The following COL21A1 variants were observed in gnomAD, a reference collection of about 807,000 sequenced individuals.
The protein encoded by COL21A1 is collagen type XXI alpha 1 chain.
COL21A1 carries 149 observed loss-of-function variants against 137.9 expected under a neutral mutation model. The ratio of observed to expected loss-of-function variants is 1.08; its 90% CI spans 0.95 to 1.24. COL21A1 has a LOEUF of 1.24. Among genes scored for constraint, COL21A1 ranks in the 50% most tolerant of loss-of-function variants. The pLI, the probability that COL21A1 is intolerant of heterozygous loss-of-function variation, is 0.00. For synonymous variants in COL21A1, 456 were observed against 391.5 expected, an observed-to-expected ratio of 1.16 and a Z score of -1.95; for missense variants, 1,167 against 1,158.4, an observed-to-expected ratio of 1.01 and a Z score of -0.11.
At chr6:56,081,247 CTT>C (rs922943405) in intron 17 of COL21A1, among the ~76,000 whole-genome samples, 2 of 146,284 alleles carry the variant, frequency 1.4e-5, no homozygotes, top group Non-Finnish European at 1.5e-5. Context: ...TTTCTTTTTT[CTT>C]TTTTTTTTTC....
chr6:56,183,557 G>C (rs1778055856), intron 1 of COL21A1, among the ~76,000 whole-genome samples: 1 of 152,170 alleles, frequency 6.6e-6, no homozygotes, highest in Non-Finnish European at 1.5e-5. Flanking sequence ...GAGTAGATAA[G>C]TAGTCCATAG....
intron 17 of COL21A1, among the ~76,000 whole-genome samples, chr6:56,080,090 C>T (rs1300027002): frequency 6.6e-6 from 1 of 151,698 alleles, no homozygotes; most frequent in Non-Finnish European, 1.5e-5. Flanking sequence ...CTAAACTTTG[C>T]TAATTTTAAG....
intron 1 of COL21A1, among the ~76,000 whole-genome samples, chr6:56,351,530 A>C (rs371435074): frequency 6.6e-6 from 1 of 152,188 alleles, no homozygotes; most frequent in East Asian, 1.9e-4. Flanking sequence ...GAGAGGAGAG[A>C]CTTTGGAGAG....
chr6:56,342,234 A>G (rs1431021892), intron 1 of COL21A1, among the ~76,000 whole-genome samples: 1 of 152,168 alleles, frequency 6.6e-6, no homozygotes, highest in Non-Finnish European at 1.5e-5. Context: ...AAGCAGCCAA[A>G]CTTCTGGAAA....
At chr6:56,314,690 C>A (rs1449535459) in intron 1 of COL21A1, among the ~76,000 whole-genome samples, 1 of 152,138 alleles carries the variant, frequency 6.6e-6, no homozygotes, top group African/African-American at 2.4e-5. Context: ...GTTTTCATAG[C>A]TCCAACTTTG....
intron 22 of COL21A1, 85 bp downstream of exon 22, chr6:56,068,961 G>C (rs1236620543): frequency 1.6e-5 from 13 of 807,710 alleles, no homozygotes; most frequent in Non-Finnish European, 1.2e-5. Context: ...TTAATAACAA[G>C]TCCTACTTTA....
At chr6:56,367,051 G>A (rs1279105456) in intron 1 of COL21A1, among the ~76,000 whole-genome samples, 1 of 152,126 alleles carries the variant, frequency 6.6e-6, no homozygotes, top group East Asian at 1.9e-4. Flanking sequence ...AGGTCTCTGT[G>A]ATCTTACAAA....
chr6:56,132,345 A>C (rs1230257748), intron 12 of COL21A1, among the ~76,000 whole-genome samples: 1 of 152,128 alleles, frequency 6.6e-6, no homozygotes, highest in African/African-American at 2.4e-5. Flanking sequence ...ATTTCTAAAA[A>C]ATTGAAGGAA....
intron 1 of COL21A1, among the ~76,000 whole-genome samples, chr6:56,201,926 T>C (rs1779434899): frequency 1.3e-5 from 2 of 152,148 alleles, no homozygotes; most frequent in Admixed American, 1.3e-4. Flanking sequence ...ACTTGTTTCA[T>C]AAAAATGTTT....
intron 16 of COL21A1, among the ~76,000 whole-genome samples, chr6:56,112,390 A>T (rs992730120): frequency 2.6e-5 from 4 of 152,162 alleles, no homozygotes; most frequent in Admixed American, 1.3e-4. Context: ...CAAAGAAAAA[A>T]CACTTTCAAA....
chr6:56,062,334 G>A (rs1364175734), intron 24 of COL21A1, among the ~76,000 whole-genome samples: 1 of 152,054 alleles, frequency 6.6e-6, no homozygotes, highest in Admixed American at 6.6e-5. Flanking sequence ...ACATCTGGAT[G>A]GCTCCATTAA....
intron 10 of COL21A1, among the ~76,000 whole-genome samples, chr6:56,156,626 A>C (rs1775762995): frequency 7.1e-6 from 1 of 141,760 alleles, no homozygotes; most frequent in Non-Finnish European, 1.5e-5. Context: ...AACATTTGCA[A>C]ACTGTGGAAT....
At chr6:56,353,702 G>A (rs1218233208) in intron 1 of COL21A1, among the ~76,000 whole-genome samples, 2 of 152,150 alleles carry the variant, frequency 1.3e-5, no homozygotes, top group African/African-American at 4.8e-5. Flanking sequence ...ATATCAAAAT[G>A]TGAATAACCA....
intron 1 of COL21A1, among the ~76,000 whole-genome samples, chr6:56,302,227 C>T (rs1764316519): frequency 6.6e-6 from 1 of 151,748 alleles, no homozygotes; most frequent in Non-Finnish European, 1.5e-5. Context: ...GATTTATAAT[C>T]CTTTGGGTAT....
chr6:56,358,188 A>C (rs564389280), intron 1 of COL21A1, among the ~76,000 whole-genome samples: 9 of 152,288 alleles, frequency 5.9e-5, no homozygotes, highest in East Asian at 3.9e-4. Context: ...CAGGGAATGC[A>C]ATATAGAGAA....
At chr6:56,248,619 A>G (rs186622025), upstream of COL21A1, among the ~76,000 whole-genome samples, 336 of 152,350 alleles carry the variant, frequency 2.2e-3, 8 homozygotes, top group Non-Finnish European at 9.8e-4. Context: ...AATACCTGGA[A>G]TATACAAGGT....
intron 1 of COL21A1, among the ~76,000 whole-genome samples, chr6:56,193,961 G>A (rs978571644): frequency 6.6e-6 from 1 of 151,998 alleles, no homozygotes; most frequent in Non-Finnish European, 1.5e-5. Context: ...CACCATATTG[G>A]CCAGGATGGT....
intron 12 of COL21A1, among the ~76,000 whole-genome samples, chr6:56,127,709 G>A (rs1425646614): frequency 1.3e-5 from 2 of 152,202 alleles, no homozygotes; most frequent in East Asian, 3.9e-4. Context: ...GACGTGTGAA[G>A]TCTGATTCCT....
chr6:56,245,876 G>C (rs1782610993), intron 1 of COL21A1, among the ~76,000 whole-genome samples: 1 of 152,158 alleles, frequency 6.6e-6, no homozygotes, highest in Admixed American at 6.5e-5. Flanking sequence ...AAAGCAGTTT[G>C]GAAAATAAAT....
Sources: gnomAD v4.1 joint callset for allele counts (sites outside exome capture counted in the v4.1 genomes callset) on GRCh38, gnomAD v4.1.1 for gene constraint, MANE v1.5 for transcripts, NCBI Gene and HGNC (gene_info 2026-07-23, HGNC 2026-07-21) for gene names.